The following NAV3 variants were observed in gnomAD, a reference collection of about 807,000 sequenced individuals.
NAV3 encodes the protein neuron navigator 3.
Under a neutral mutation model 244.7 loss-of-function variants are expected in NAV3, and 87 were observed. That is an observed-to-expected ratio of 0.36 (90% CI 0.30 to 0.42). The LOEUF (loss-of-function observed/expected upper bound fraction) is 0.42. Ranked by LOEUF, NAV3 falls within the 20% of genes least tolerant of loss-of-function variation. The probability of loss-of-function intolerance (pLI) is 1.00; values close to 1 mark genes in which losing one functional copy is unlikely to be tolerated. For missense variants in NAV3, 2,663 were observed against 2,893.3 expected, an observed-to-expected ratio of 0.92 and a Z score of 1.83; for synonymous variants, 1,126 against 1,042.2, an observed-to-expected ratio of 1.08 and a Z score of -1.55.
chr12:77,595,164 A>T (rs1048230668), intron 2 of NAV3, among the ~76,000 whole-genome samples: 3 of 152,220 alleles, frequency 2.0e-5, no homozygotes, highest in Non-Finnish European at 4.4e-5. Flanking sequence ...CCAAGTGTTC[A>T]TTGATGGGTT....
chr12:78,166,925 T>A (rs1431982270), intron 23 of NAV3, among the ~76,000 whole-genome samples: 2 of 151,806 alleles, frequency 1.3e-5, no homozygotes, highest in Non-Finnish European at 2.9e-5. Context: ...GCATTATTGA[T>A]CTTAAATTTA....
chr12:77,638,206 G>A (rs981622164), intron 2 of NAV3, among the ~76,000 whole-genome samples: 10 of 152,172 alleles, frequency 6.6e-5, no homozygotes, highest in Admixed American at 1.3e-4. Flanking sequence ...AAATTTTTTC[G>A]AATTGTCAAA....
At chr12:78,132,362 C>T (rs1956201143) in intron 18 of NAV3, among the ~76,000 whole-genome samples, 3 of 152,138 alleles carry the variant, frequency 2.0e-5, no homozygotes, top group South Asian at 2.1e-4. Flanking sequence ...GTTAAGTTTA[C>T]CTTTCTAGGA....
At chr12:77,795,350 A>C (rs1340024768) in intron 2 of NAV3, among the ~76,000 whole-genome samples, 1 of 152,120 alleles carries the variant, frequency 6.6e-6, no homozygotes, top group Non-Finnish European at 1.5e-5. Flanking sequence ...GCTGTAGATG[A>C]ATTTTGAAGC....
chr12:77,781,484 A>T (rs1360302891), intron 2 of NAV3, among the ~76,000 whole-genome samples: 1 of 152,172 alleles, frequency 6.6e-6, no homozygotes, highest in Non-Finnish European at 1.5e-5. Context: ...GAAAGTCTTT[A>T]AATCTACCTA....
chr12:77,832,102 T>G (rs896098240), intron 1 of NAV3, among the ~76,000 whole-genome samples: 1 of 152,212 alleles, frequency 6.6e-6, no homozygotes, highest in Non-Finnish European at 1.5e-5. Context: ...ATAATTCATA[T>G]AGACACCATC....
chr12:77,864,618 A>G (rs1006814560), intron 1 of NAV3, among the ~76,000 whole-genome samples: 2 of 152,040 alleles, frequency 1.3e-5, no homozygotes, highest in Non-Finnish European at 2.9e-5. Flanking sequence ...ATATATTCCA[A>G]TAAAGTCTCT....
At chr12:78,174,214 C>T (rs1408961876) in intron 24 of NAV3, among the ~76,000 whole-genome samples, 1 of 151,662 alleles carries the variant, frequency 6.6e-6, no homozygotes. Flanking sequence ...AATACTAGTG[C>T]ATTTTAGGTA....
At chr12:77,949,004 A>G (rs1011779662) in intron 3 of NAV3, among the ~76,000 whole-genome samples, 31 of 152,122 alleles carry the variant, frequency 2.0e-4, no homozygotes, top group African/African-American at 7.2e-4. Flanking sequence ...TAGTTGCTTC[A>G]TGAAATTATA....
At chr12:77,901,283 C>A (rs1011807365) in intron 1 of NAV3, among the ~76,000 whole-genome samples, 1 of 152,192 alleles carries the variant, frequency 6.6e-6, no homozygotes, top group Non-Finnish European at 1.5e-5. Flanking sequence ...AGGACTTAGT[C>A]ATAAATTATT....
chr12:77,788,925 C>T (rs1871034837), intron 2 of NAV3, among the ~76,000 whole-genome samples: 1 of 152,158 alleles, frequency 6.6e-6, no homozygotes, highest in South Asian at 2.1e-4. Flanking sequence ...AGTTTCTCCT[C>T]TCCTCCATCT....
chr12:77,587,694 A>G (rs711099), intron 2 of NAV3, among the ~76,000 whole-genome samples: 87,378 of 152,080 alleles, frequency 0.57, 25,343 homozygotes, highest in Middle Eastern at 0.74. Context: ...TATTACATTC[A>G]TTAAGAATGA....
At chr12:78,025,364 G>C (rs117063497) in intron 9 of NAV3, among the ~76,000 whole-genome samples, 3 of 151,964 alleles carry the variant, frequency 2.0e-5, no homozygotes, top group Non-Finnish European at 2.9e-5. Context: ...TTGGGAGGCC[G>C]AGGGGGTCAG....
chr12:77,663,339 T>A (rs372034484), intron 2 of NAV3, among the ~76,000 whole-genome samples: 29 of 152,166 alleles, frequency 1.9e-4, no homozygotes, highest in African/African-American at 6.5e-4. Context: ...AAAACAGGTT[T>A]ATGGAGTTTT....
At chr12:77,775,837 T>C (rs1870328312) in intron 2 of NAV3, 1 of 152,238 alleles carries the variant, frequency 6.6e-6, no homozygotes, top group Non-Finnish European at 1.5e-5. Context: ...TTCTTGAGTG[T>C]GATAAAGGTA....
chr12:77,825,135 A>G (rs1320639310), intron 2 of NAV3, among the ~76,000 whole-genome samples: 3 of 152,146 alleles, frequency 2.0e-5, no homozygotes, highest in Non-Finnish European at 2.9e-5. Flanking sequence ...TCTTTCAAAA[A>G]CGGAGGCAAA....
intron 38 of NAV3, 83 bp from the exon 39 acceptor site, chr12:78,204,852 A>G: frequency 8.0e-7 from 1 of 1,253,014 alleles, no homozygotes; most frequent in Non-Finnish European, 1.1e-6. Context: ...ATATGTCAAA[A>G]AATCACATCC....
At chr12:78,080,244 A>T (rs1270371134) in intron 12 of NAV3, among the ~76,000 whole-genome samples, 2 of 152,196 alleles carry the variant, frequency 1.3e-5, no homozygotes, top group Non-Finnish European at 2.9e-5. Context: ...ACCAAGGGCC[A>T]GTAGAAAGTG....
intron 2 of NAV3, among the ~76,000 whole-genome samples, chr12:77,628,850 C>G (rs1256296095): frequency 6.7e-6 from 1 of 149,232 alleles, no homozygotes; most frequent in African/African-American, 2.5e-5. Context: ...ATGATCTCAT[C>G]ACCACTGCAG....
Sources: allele counts gnomAD v4.1 joint callset (sites outside exome capture counted in the v4.1 genomes callset), GRCh38; gene constraint gnomAD v4.1.1; transcripts MANE v1.5; gene names NCBI Gene and HGNC (gene_info 2026-07-23, HGNC 2026-07-21).